Variants in CSAD observed in about 807,000 individuals in gnomAD.
CSAD encodes the protein cysteine sulfinic acid decarboxylase, also known as P-selectin cytoplasmic tail-associated protein.
A neutral mutation model predicts 61.5 loss-of-function variants in CSAD; 47 were observed. That is an observed-to-expected ratio of 0.76 (90% CI 0.60 to 0.97). The LOEUF is 0.97. Among genes scored for constraint, CSAD ranks in the 50% least tolerant of loss-of-function variants. The pLI, the probability that CSAD is intolerant of heterozygous loss-of-function variation, is 0.00. For missense variants in CSAD, 611 were observed against 643.6 expected, an observed-to-expected ratio of 0.95 and a Z score of 0.55; for synonymous variants, 245 against 252.7, an observed-to-expected ratio of 0.97 and a Z score of 0.29.
upstream of CSAD, chr12:53,181,113 C>G: frequency 1.0e-6 from 1 of 961,946 alleles, no homozygotes; most frequent in African/African-American, 1.8e-5. Flanking sequence ...CTCTCCGGCT[C>G]TGCTCCCGGT....
At chr12:53,159,753 G>C (rs199923741) in intron 15 of CSAD, 41 bp from the exon 16 acceptor site, 1 of 1,564,998 alleles carries the variant, frequency 6.4e-7, no homozygotes, top group South Asian at 1.2e-5. Context: ...GCTGAGAAAG[G>C]GGGACCGTTT....
At chr12:53,172,670 C>G in intron 4 of CSAD, 22 bp from the exon 5 acceptor site, 1 of 1,593,328 alleles carries the variant, frequency 6.3e-7, no homozygotes. Context: ...GCCGGGGATG[C>G]TGGGGGCCTG....
intron 14 of CSAD, 79 bp from the exon 15 acceptor site, chr12:53,160,017 C>G: frequency 6.3e-7 from 1 of 1,599,070 alleles, no homozygotes; most frequent in South Asian, 1.1e-5. Context: ...TAGAATGAGC[C>G]ACAGAGAGAC....
rs753082648 is a variant in CSAD at position 53,171,897 on chromosome 12, C to A, written c.436G>T (p.Gly146Ter). 1.2e-6 allele frequency: 2 copies of A among 1,612,620 alleles called. No individual in the cohort carries two copies. The highest frequency in any genetic ancestry group is 1.7e-6 in the Non-Finnish European group (2 of 1,178,726). Reference protein sequence around the residue: ...RALVGWSSGDGIFCPGGSISN... With the variant: ...RALVGWSSGD ...TCTCACAAACCAGGGCAGAAGATTC[C>A]GTCCCCAGAGCTCCAGCCCACCAGG... Residue 146 changes from glycine (G) to a stop codon, truncating the protein, a stop_gained, in exon 7 of 17, where the codon GGA becomes TGA. Transcript: ENST00000444623. LOFTEE classifies it high-confidence loss of function.
In CSAD at chr12:53,172,339, T is replaced by A. The variant is rs1205512748; in HGVS notation, c.344+7A>T. On this transcript the variant is annotated splice_region_variant and intron_variant, in intron 6 of 16. Transcript: ENST00000444623. Reference sequence around the variant, plus strand: ...GTGGGATGGTAGAGGGGCCTTGGGATGCTCACTGGCTGGTGTTGAGGCTCT... The same window carrying A: ...GTGGGATGGTAGAGGGGCCTTGGGAAGCTCACTGGCTGGTGTTGAGGCTCT... 6.2e-7 allele frequency: 1 copy of A among 1,612,978 alleles called. No homozygotes were observed. The highest frequency in any genetic ancestry group is 1.7e-5 in the Admixed American group (1 of 60,026).
intron 1 of CSAD, chr12:53,179,831 C>T (rs1483073403): frequency 1.9e-6 from 3 of 1,613,786 alleles, no homozygotes; most frequent in South Asian, 1.1e-5. Flanking sequence ...AGCGCATTTG[C>T]AGTCCATCTT....
intron 2 of CSAD, among the ~76,000 whole-genome samples, chr12:53,174,397 T>C (rs925288317): frequency 5.9e-5 from 9 of 152,174 alleles, no homozygotes; most frequent in Non-Finnish European, 1.3e-4. Flanking sequence ...GGTGTTGTTA[T>C]GGATGATTTT....
Position 53,171,333 on chromosome 12 carries a change from GA to G in CSAD, c.559del (p.Ser187ArgfsTer64). On this transcript the variant is annotated frameshift_variant, in exon 8 of 17. Coordinates refer to ENST00000444623, the MANE Select transcript of CSAD (RefSeq NM_001244705.2). LOFTEE classifies it high-confidence loss of function. ...CCTGTGCCTCTTCCCCACCTCCTTC[GA>G]TGTGAATAGGGCCAGGGGCGGCAGT... The part of the protein sequence containing the change: ...RTLPPLALFT[S>X]KECHYSIQKG... 6.2e-7 allele frequency: 1 copy of G among 1,614,048 alleles called. No homozygotes were observed. Among genetic ancestry groups the G allele is most frequent in the Non-Finnish European group, 8.5e-7 (1 of 1,180,026 alleles).
Position 53,180,821 on chromosome 12 carries a change from G to C in CSAD, c.-180C>G. 1 of 1,272,022 alleles carries C rather than the reference G, an allele frequency of 7.9e-7. No homozygotes were observed. The highest frequency in any genetic ancestry group is 1.0e-6 in the Non-Finnish European group (1 of 982,174). The allele number at this position is 1,272,022 out of a possible 1,614,324, so 78.8% of individuals were successfully genotyped here. The stretch of plus-strand genomic sequence containing the variant: ...CGCCGCGCGGCCAGGGAGCCAGCGG[G>C]AGGCCGCGCCTGGCAGGTAGGAGCA... On this transcript the variant is annotated 5_prime_UTR_variant, in exon 1 of 17. Transcript: ENST00000444623.
Position 53,171,439 on chromosome 12 carries a change from C to A in CSAD, c.454G>T (p.Gly152Cys). The A allele has an allele frequency of 6.2e-7, 1 of 1,613,484 alleles. No homozygotes were observed. The highest frequency in any genetic ancestry group is 1.1e-5 in the South Asian group (1 of 91,080). The change falls in exon 8 of 17, where the codon GGC becomes TGC. Residue 152 changes from glycine (G) to cysteine (C), a missense_variant and splice_region_variant. Physicochemically the swap from Gly to Cys is radical, Grantham distance 159 (BLOSUM62 -3). Coordinates refer to ENST00000444623, the MANE Select transcript of CSAD (RefSeq NM_001244705.2). Reference protein sequence around the residue: ...SSGDGIFCPGGSISNMYAVNL... With the variant: ...SSGDGIFCPGCSISNMYAVNL... ...ACAGCATACATGTTGGAGATGGAGC[C>A]ACCTGTCACAGGGAGGGGGCGGTGG...
chr12:53,171,717 G>A (rs997087925), intron 7 of CSAD, 165 bp downstream of exon 7: 14 of 623,184 alleles, frequency 2.2e-5, no homozygotes, highest in South Asian at 6.1e-5. Flanking sequence ...TGACAAACAT[G>A]AGCATGAAGG....
At position 53,159,612 on chromosome 12, in the gene CSAD, A is replaced by C. The variant is rs1053473049; in HGVS notation, c.1308+11T>G. On this transcript the variant is annotated intron_variant, in intron 16 of 16. Transcript: ENST00000444623. ...CCCTAACGGGTAAAGAGAGCAGCAC[A>C]GCACGCCTACCTTTGACAGCCTTTC... The C allele has an allele frequency of 3.7e-6, 6 of 1,606,926 alleles. No individual in the cohort carries two copies. The highest frequency in any genetic ancestry group is 3.4e-6 in the Non-Finnish European group (4 of 1,176,404).
At chr12:53,178,470 C>T (rs1234550713) in intron 2 of CSAD, 7 of 428,510 alleles carry the variant, frequency 1.6e-5, no homozygotes, top group East Asian at 1.4e-4. Flanking sequence ...CCAGCCTGGG[C>T]GACAGACCAA....
At chr12:53,172,324 A>G in intron 6 of CSAD, 22 bp downstream of exon 6, 1 of 1,604,030 alleles carries the variant, frequency 6.2e-7, no homozygotes, top group Non-Finnish European at 8.5e-7. Flanking sequence ...GTGGGATGGT[A>G]GAGGGGCCTT....
chr12:53,174,516 G>A (rs959787777), intron 2 of CSAD, among the ~76,000 whole-genome samples: 16 of 152,002 alleles, frequency 1.1e-4, no homozygotes, highest in East Asian at 5.8e-4. Context: ...AAAATTGTCC[G>A]CGTGTGGTGG....
intron 13 of CSAD, among the ~76,000 whole-genome samples, 164 bp downstream of exon 13, chr12:53,160,599 G>C (rs113980084): frequency 0.028 from 4,232 of 152,304 alleles, 186 homozygotes; most frequent in African/African-American, 0.096. Flanking sequence ...GAGGCCACTG[G>C]GGGAGTGAAG....
intron 16 of CSAD, 77 bp downstream of exon 16, chr12:53,159,546 C>A: frequency 7.7e-7 from 1 of 1,292,802 alleles, no homozygotes; most frequent in South Asian, 1.3e-5. Flanking sequence ...CCATGCCACT[C>A]CCAGCCAACA....
upstream of CSAD, chr12:53,181,008 G>T: frequency 2.4e-6 from 2 of 850,816 alleles, no homozygotes; most frequent in Non-Finnish European, 1.5e-6. Flanking sequence ...CGCGCACACC[G>T]CCCCCTGCCC....
At chr12:53,173,202 T>G in intron 4 of CSAD, 143 bp downstream of exon 4, 1 of 784,518 alleles carries the variant, frequency 1.3e-6, no homozygotes, top group African/African-American at 2.0e-5. Context: ...AGCGAGACTC[T>G]GTCAAGAAAG....
Sources: allele counts gnomAD v4.1 joint callset (sites outside exome capture counted in the v4.1 genomes callset), GRCh38; gene constraint gnomAD v4.1.1; transcripts MANE v1.5; gene names NCBI Gene and HGNC (gene_info 2026-07-23, HGNC 2026-07-21).